The following PRKCB variants were observed in gnomAD, a reference collection of about 807,000 sequenced individuals.
The protein encoded by PRKCB is protein kinase C beta, also known as protein kinase C beta type.
Under a neutral mutation model 81.5 loss-of-function variants are expected in PRKCB, and 13 were observed. The observed-to-expected ratio is 0.16, with a 90% confidence interval of 0.10 to 0.25. The LOEUF is 0.25. Ranked by LOEUF, PRKCB falls within the 10% of genes least tolerant of loss-of-function variation. The pLI is 1.00. For synonymous variants in PRKCB, 335 were observed against 321.4 expected, an observed-to-expected ratio of 1.04 and a Z score of -0.45; for missense variants, 509 against 875.7, an observed-to-expected ratio of 0.58 and a Z score of 5.29.
chr16:24,182,873 T>TGTGTGTGTGTGTGTGTGTGTGTGTGTG (rs1555501178), intron 13 of PRKCB, among the ~76,000 whole-genome samples: 77 of 133,606 alleles, frequency 5.8e-4, no homozygotes, highest in African/African-American at 2.3e-3. Flanking sequence ...ACATTGTTTC[T>TGTGTGTGTGTGTGTGTGTGTGTGTGTG]TGTGTGTGTG....
chr16:23,896,696 A>G (rs1290350536), intron 2 of PRKCB, among the ~76,000 whole-genome samples: 1 of 152,236 alleles, frequency 6.6e-6, no homozygotes, highest in East Asian at 1.9e-4. Context: ...GCATATGCAA[A>G]GGGCTTGAAA....
Position 24,215,904 on chromosome 16 carries a change from G to T in PRKCB, c.*1088G>T, listed in dbSNP as rs527842503. Reference sequence around the variant, plus strand: ...TGGTTGTATTCCTCACTTTGATGTTGTTTTGCAAGATGTTTGTGGAAATGT... The same window carrying T: ...TGGTTGTATTCCTCACTTTGATGTTTTTTTGCAAGATGTTTGTGGAAATGT... On this transcript the variant is annotated 3_prime_UTR_variant, in exon 17 of 17. Coordinates refer to ENST00000643927, the MANE Select transcript of PRKCB (RefSeq NM_002738.7). The T allele has an allele frequency of 2.0e-6, 2 of 982,876 alleles. No individual in the cohort carries two copies. The highest frequency in any genetic ancestry group is 6.3e-5 in the Admixed American group (1 of 15,962). The allele number at this position is 982,876 out of a possible 1,614,324, so 60.9% of individuals were successfully genotyped here.
At position 24,151,959 on chromosome 16, in the gene PRKCB, T is replaced by G. The variant is rs1433795486; in HGVS notation, c.1066-2725T>G. 1.1e-5 allele frequency: 5 copies of G among 452,678 alleles called. No individual in the cohort carries two copies. In the East Asian group the frequency reaches 3.5e-4, roughly 32 times the overall value. 28.0% of individuals were successfully genotyped at this position (452,678 alleles called of 1,614,324 possible). A position where few individuals can be genotyped will look rare whatever the true frequency, so the allele number is the denominator to read the frequency against. On this transcript the variant is annotated intron_variant, in intron 9 of 16. Transcript: ENST00000643927. ...TTCCATGTGGAAGGCTAAGATGTCC[T>G]ATCATGACTGCATCTGCACTGAAGG...
chr16:24,035,657 A>C, intron 5 of PRKCB, 110 bp downstream of exon 5: 1 of 505,578 alleles, frequency 2.0e-6, no homozygotes, highest in Non-Finnish European at 3.0e-6. Flanking sequence ...GGGGCAGTCC[A>C]GGGACGGGGA....
intron 2 of PRKCB, among the ~76,000 whole-genome samples, chr16:23,945,943 T>C (rs1211473239): frequency 6.6e-6 from 1 of 152,038 alleles, no homozygotes; most frequent in African/African-American, 2.4e-5. Flanking sequence ...GGAATATATA[T>C]TGGGCAACGA....
intron 2 of PRKCB, among the ~76,000 whole-genome samples, chr16:23,840,361 T>C (rs114564880): frequency 4.4e-4 from 67 of 152,258 alleles, no homozygotes; most frequent in African/African-American, 1.5e-3. Flanking sequence ...GACAATTATC[T>C]CATGGTCCAA....
intron 16 of PRKCB, among the ~76,000 whole-genome samples, chr16:24,213,404 T>C (rs1284641370): frequency 1.3e-5 from 2 of 152,170 alleles, no homozygotes; most frequent in African/African-American, 4.8e-5. Flanking sequence ...CTTGCTCTGC[T>C]ATTGGTTTGC....
chr16:24,053,951 T>TAGTTGTAATAGTTCCTTTA (rs1331453968), intron 5 of PRKCB, among the ~76,000 whole-genome samples: 2 of 152,148 alleles, frequency 1.3e-5, no homozygotes, highest in African/African-American at 4.8e-5. Context: ...GTGACTCTAG[T>TAGTTGTAATAGTTCCTTTA]AGTTGTAATA....
At chr16:24,208,241 C>T (rs1010175538) in intron 16 of PRKCB, 1 of 152,356 alleles carries the variant, frequency 6.6e-6, no homozygotes, top group Non-Finnish European at 1.5e-5. Context: ...CACTGCACCC[C>T]AACCTGGGTA....
intron 2 of PRKCB, among the ~76,000 whole-genome samples, chr16:23,877,406 G>A (rs540790350): frequency 9.9e-4 from 151 of 152,280 alleles, no homozygotes; most frequent in Admixed American, 4.0e-3. Context: ...TAAGTCTGGG[G>A]AAGGAGCTTC....
chr16:24,055,556 C>A (rs553823222), intron 5 of PRKCB, among the ~76,000 whole-genome samples: 5 of 152,346 alleles, frequency 3.3e-5, no homozygotes, highest in African/African-American at 9.6e-5. Flanking sequence ...CCTGTTCCCC[C>A]CATCGAGGAT....
At position 24,216,687 on chromosome 16, in the gene PRKCB, T is replaced by G; in HGVS notation, c.*1871T>G. The stretch of plus-strand genomic sequence containing the variant: ...CTTCAGGCTTGGGGACCGTCCCTGC[T>G]GTCCCCACTGTGGTGGCAATCAGGA... On this transcript the variant is annotated 3_prime_UTR_variant, in exon 17 of 17. Coordinates refer to ENST00000643927, the MANE Select transcript of PRKCB (RefSeq NM_002738.7). 1 of 985,476 alleles carries G rather than the reference T, an allele frequency of 1.0e-6. No individual in the cohort carries two copies. Among genetic ancestry groups the G allele is most frequent in the Non-Finnish European group, 1.2e-6 (1 of 829,942 alleles). 61.0% of individuals were successfully genotyped at this position (985,476 alleles called of 1,614,324 possible).
At chr16:24,112,946 G>T (rs1377274374) in intron 7 of PRKCB, 27 bp from the exon 8 acceptor site, 4 of 1,490,262 alleles carry the variant, frequency 2.7e-6, no homozygotes, top group East Asian at 4.6e-5. Context: ...GTCATGAAAT[G>T]TGTCCCACCC....
At chr16:24,090,871 G>T (rs1420101541) in intron 5 of PRKCB, among the ~76,000 whole-genome samples, 1 of 152,120 alleles carries the variant, frequency 6.6e-6, no homozygotes, top group Non-Finnish European at 1.5e-5. Context: ...ATGAGGGGGT[G>T]CTTTCTCTCC....
At chr16:23,925,980 A>G (rs919322711) in intron 2 of PRKCB, among the ~76,000 whole-genome samples, 2 of 151,728 alleles carry the variant, frequency 1.3e-5, no homozygotes, top group African/African-American at 4.8e-5. Context: ...TTGCTGCAAA[A>G]GACATGATTT....
intron 9 of PRKCB, 137 bp downstream of exon 9, chr16:24,124,118 T>C (rs1013592826): frequency 3.8e-6 from 4 of 1,041,990 alleles, no homozygotes; most frequent in Admixed American, 2.3e-5. Flanking sequence ...CACTTTGTAA[T>C]GAATACCATG....
chr16:24,074,129 C>A (rs1029884777), intron 5 of PRKCB, among the ~76,000 whole-genome samples: 1 of 149,566 alleles, frequency 6.7e-6, no homozygotes, highest in Non-Finnish European at 1.5e-5. Flanking sequence ...AGCAAGACTC[C>A]ATCTCAAAAA....
chr16:23,909,933 G>C (rs191246818), intron 2 of PRKCB, among the ~76,000 whole-genome samples: 7 of 152,072 alleles, frequency 4.6e-5, no homozygotes, highest in African/African-American at 1.4e-4. Context: ...CCTCCCAAAG[G>C]CCCCACCTCC....
In PRKCB at chr16:24,094,147, C is replaced by A; in HGVS notation, c.687-16C>A. 6.2e-7 allele frequency: 1 copy of A among 1,611,218 alleles called. No individual in the cohort carries two copies. Among genetic ancestry groups the A allele is most frequent in the Non-Finnish European group, 8.5e-7 (1 of 1,178,862 alleles). On this transcript the variant is annotated splice_polypyrimidine_tract_variant and intron_variant, in intron 6 of 16. Transcript: ENST00000643927. ...ACTACAACCTCCACTGATGTCTTTTCTTTTTCTCTATGCAGTCAGCTGAAA... is the reference window on the plus strand; with the variant it reads ...ACTACAACCTCCACTGATGTCTTTTATTTTTCTCTATGCAGTCAGCTGAAA...
Sources: gnomAD v4.1 joint callset for allele counts (sites outside exome capture counted in the v4.1 genomes callset) on GRCh38, gnomAD v4.1.1 for gene constraint, MANE v1.5 for transcripts, NCBI Gene and HGNC (gene_info 2026-07-23, HGNC 2026-07-21) for gene names.